CAB39: variants seen among roughly 807,000 people sequenced by gnomAD.
CAB39 encodes calcium-binding protein 39.
Under a neutral mutation model 40.0 loss-of-function variants are expected in CAB39, and 8 were observed. That is an observed-to-expected ratio of 0.20 (90% CI 0.12 to 0.36). CAB39 has a LOEUF of 0.36. Among genes scored for constraint, CAB39 ranks in the 10% least tolerant of loss-of-function variants. The pLI, the probability that CAB39 is intolerant of heterozygous loss-of-function variation, is 1.00. For synonymous variants in CAB39, 156 were observed against 141.6 expected (o/e 1.10, Z -0.72); for missense variants, 270 against 401.1 (o/e 0.67, Z 2.79).
chr2:230,728,500 C>G (rs1271577435), intron 1 of CAB39, among the ~76,000 whole-genome samples: 2 of 152,002 alleles, frequency 1.3e-5, no homozygotes, highest in African/African-American at 4.8e-5. Context: ...CGTGTTTTGC[C>G]ATGTTGTCCA....
intron 1 of CAB39, among the ~76,000 whole-genome samples, chr2:230,753,606 G>A (rs1346832242): frequency 6.6e-6 from 1 of 151,976 alleles, no homozygotes; most frequent in East Asian, 1.9e-4. Flanking sequence ...AATTAGCCAG[G>A]CATGGTGGTA....
chr2:230,763,454 C>A (rs1173465480), intron 2 of CAB39, among the ~76,000 whole-genome samples: 1 of 151,818 alleles, frequency 6.6e-6, no homozygotes, highest in Non-Finnish European at 1.5e-5. Flanking sequence ...TAGCCAGGCA[C>A]GGTGGCACAC....
At chr2:230,810,216 T>G in intron 5 of CAB39, 47 bp from the exon 6 acceptor site, 2 of 877,550 alleles carry the variant, frequency 2.3e-6, no homozygotes, top group African/African-American at 1.7e-5. Context: ...TTCGCTTTTT[T>G]GAAAACTTGG....
At chr2:230,777,598 G>C (rs1358752505) in intron 2 of CAB39, among the ~76,000 whole-genome samples, 2 of 151,722 alleles carry the variant, frequency 1.3e-5, no homozygotes, top group Non-Finnish European at 2.9e-5. Context: ...AATAGAGATG[G>C]GGTTTCACCA....
intron 2 of CAB39, among the ~76,000 whole-genome samples, chr2:230,771,015 C>G (rs1008227033): frequency 2.0e-5 from 3 of 152,168 alleles, no homozygotes; most frequent in African/African-American, 7.2e-5. Context: ...CACAACTATT[C>G]AACTTCGTAC....
intron 1 of CAB39, among the ~76,000 whole-genome samples, chr2:230,758,093 G>C (rs1237536750): frequency 6.6e-6 from 1 of 152,070 alleles, no homozygotes; most frequent in Non-Finnish European, 1.5e-5. Flanking sequence ...GAGGCCAGGA[G>C]TTGAGACCAG....
In CAB39 at chr2:230,756,512, A is replaced by G. The variant is rs565307391; in HGVS notation, c.-43-3447A>G. ...ACATAAGAAACAAATTCTGTAATGC[A>G]GAAGTTTTGGGGAGTGTTATTTCCT... is the stretch of plus-strand genomic sequence containing the variant. On this transcript the variant is annotated intron_variant, in intron 1 of 8. Transcript: ENST00000258418. Among the ~76,000 whole-genome samples, 3 of 152,326 alleles carry G rather than the reference A, an allele frequency of 2.0e-5. No individual in the cohort carries two copies. In the South Asian group the frequency reaches 6.2e-4, roughly 32 times the overall value.
chr2:230,779,621 AAC>A (rs1695652895), intron 2 of CAB39, among the ~76,000 whole-genome samples: 1 of 152,244 alleles, frequency 6.6e-6, no homozygotes, highest in Non-Finnish European at 1.5e-5. Flanking sequence ...CACCATGTTC[AAC>A]TGAGGAAACT....
rs1695883354 is a variant in CAB39 at position 230,790,979 on chromosome 2, C to G, written c.222C>G (p.Leu74=). 5 of 1,613,114 alleles carry G rather than the reference C, an allele frequency of 3.1e-6. No individual in the cohort carries two copies. Among genetic ancestry groups the G allele is most frequent in the Non-Finnish European group, 3.4e-6 (4 of 1,179,286 alleles). Residue 74 remains leucine, a synonymous_variant, in exon 3 of 9, where the codon CTC becomes CTG. Transcript: ENST00000258418. ...CAGTAGCTCAACTTGCTCAAGAACT[C>G]TATAATAGTGGGCTCCTTAGCACCC... ...TEAVAQLAQE[L]YNSGLLSTLV...
chr2:230,748,829 AAAATAT>A (rs1313031808), intron 1 of CAB39, among the ~76,000 whole-genome samples: 173 of 46,372 alleles, frequency 3.7e-3, no homozygotes, highest in Non-Finnish European at 4.1e-3. Context: ...AAAAAAAAAA[AAAATAT>A]ATATATATAT....
chr2:230,742,183 G>A (rs938098601), intron 1 of CAB39, among the ~76,000 whole-genome samples: 1 of 151,256 alleles, frequency 6.6e-6, no homozygotes, highest in Non-Finnish European at 1.5e-5. Flanking sequence ...TTGTTTGTTT[G>A]TTTGTTTTTG....
At chr2:230,770,274 G>T (rs1695459138) in intron 2 of CAB39, among the ~76,000 whole-genome samples, 1 of 152,164 alleles carries the variant, frequency 6.6e-6, no homozygotes, top group Non-Finnish European at 1.5e-5. Flanking sequence ...CCATTATCTG[G>T]AGTGAGAGAT....
Position 230,818,614 on chromosome 2 carries a change from C to T in CAB39, c.936C>T (p.Asp312=), listed in dbSNP as rs1284103948. ...AGTTCCTCAGCAAGTTTCAGAACGA[C>T]AGGACGGAGGATGAGCAGTTTAACG... ...LIEFLSKFQN[D]RTEDEQFNDE... Residue 312 remains aspartate (D), a synonymous_variant, in exon 9 of 9, where the codon GAC becomes GAT. Coordinates refer to ENST00000258418, the MANE Select transcript of CAB39 (RefSeq NM_016289.4). 1 of 1,614,030 alleles carries T rather than the reference C, an allele frequency of 6.2e-7. No individual in the cohort carries two copies. The highest frequency in any genetic ancestry group is 8.5e-7 in the Non-Finnish European group (1 of 1,179,976).
At chr2:230,770,404 G>T (rs1454600067) in intron 2 of CAB39, among the ~76,000 whole-genome samples, 1 of 152,120 alleles carries the variant, frequency 6.6e-6, no homozygotes, top group Non-Finnish European at 1.5e-5. Flanking sequence ...AATTGCCAAA[G>T]CTAACTCAAG....
chr2:230,782,392 G>T (rs1195049057), intron 2 of CAB39, among the ~76,000 whole-genome samples: 1 of 151,984 alleles, frequency 6.6e-6, no homozygotes, highest in Non-Finnish European at 1.5e-5. Context: ...GGGGAGGGCT[G>T]AAAAAGGAGA....
intron 1 of CAB39, among the ~76,000 whole-genome samples, chr2:230,745,134 AATTC>A (rs1694950277): frequency 1.3e-5 from 2 of 152,358 alleles, no homozygotes; most frequent in East Asian, 3.9e-4. Context: ...CTCATTGTTT[AATTC>A]ATTCATTCAT....
chr2:230,753,392 T>C (rs1695123274), intron 1 of CAB39, among the ~76,000 whole-genome samples: 1 of 152,222 alleles, frequency 6.6e-6, no homozygotes, highest in Non-Finnish European at 1.5e-5. Flanking sequence ...ATCCTGTCAC[T>C]GTCTGGCTTT....
At chr2:230,727,974 C>G (rs140935245) in intron 1 of CAB39, among the ~76,000 whole-genome samples, 1 of 152,160 alleles carries the variant, frequency 6.6e-6, no homozygotes, top group African/African-American at 2.4e-5. Flanking sequence ...TGTGGTGGCT[C>G]ACGCCTGGAA....
Position 230,818,569 on chromosome 2 carries a change from G to A in CAB39, c.891G>A (p.Lys297=). 2 of 1,614,128 alleles carry A rather than the reference G, an allele frequency of 1.2e-6. No homozygotes were observed. Among genetic ancestry groups the A allele is most frequent in the Non-Finnish European group, 1.7e-6 (2 of 1,180,016 alleles). Residue 297 remains lysine, a synonymous_variant, in exon 9 of 9, where the codon AAG becomes AAA. Transcript: ENST00000258418. ...KTQPILDILL[K]NQAKLIEFLS... ...AGCCCATCCTAGACATCCTCCTCAAGAACCAGGCCAAACTCATAGAGTTCC... is the reference window on the plus strand; with the variant it reads ...AGCCCATCCTAGACATCCTCCTCAAAAACCAGGCCAAACTCATAGAGTTCC...
Sources: gnomAD v4.1 joint callset for allele counts (sites outside exome capture counted in the v4.1 genomes callset) on GRCh38, gnomAD v4.1.1 for gene constraint, MANE v1.5 for transcripts, NCBI Gene and HGNC (gene_info 2026-07-23, HGNC 2026-07-21) for gene names.